UHRF2: variants seen among roughly 807,000 people sequenced by gnomAD.
The protein encoded by UHRF2 is E3 ubiquitin-protein ligase UHRF2.
A neutral mutation model predicts 96.8 loss-of-function variants in UHRF2; 23 were observed. The ratio of observed to expected loss-of-function variants is 0.24; its 90% CI spans 0.17 to 0.34. The LOEUF is 0.34. UHRF2 is among the 10% of genes least tolerant of loss of function. The pLI is 1.00. For synonymous variants in UHRF2, 385 were observed against 332.6 expected, an observed-to-expected ratio of 1.16 and a Z score of -1.72; for missense variants, 685 against 981.5, an observed-to-expected ratio of 0.70 and a Z score of 4.04.
At chr9:6,500,043 G>T in intron 13 of UHRF2, 112 bp downstream of exon 13, 1 of 822,300 alleles carries the variant, frequency 1.2e-6, no homozygotes, top group Non-Finnish European at 1.9e-6. Context: ...AAAGATCTTG[G>T]CTCACTGTAG....
intron 4 of UHRF2, among the ~76,000 whole-genome samples, chr9:6,469,702 A>C (rs1489006730): frequency 2.0e-5 from 3 of 148,320 alleles, no homozygotes; most frequent in African/African-American, 7.8e-5. Context: ...ACGTATATAC[A>C]TACATATACA....
At chr9:6,435,114 C>T (rs1820765278) in intron 3 of UHRF2, among the ~76,000 whole-genome samples, 1 of 152,062 alleles carries the variant, frequency 6.6e-6, no homozygotes, top group Non-Finnish European at 1.5e-5. Flanking sequence ...CTGCCTCAGC[C>T]TCCCGAGTAG....
chr9:6,456,099 T>C (rs183044313), intron 3 of UHRF2, among the ~76,000 whole-genome samples: 114 of 152,368 alleles, frequency 7.5e-4, no homozygotes, highest in Non-Finnish European at 1.3e-3. Context: ...AAGTTACTGA[T>C]AGAATTTTTA....
chr9:6,445,426 T>TC (rs1374086815), intron 3 of UHRF2, among the ~76,000 whole-genome samples: 2 of 152,128 alleles, frequency 1.3e-5, no homozygotes, highest in African/African-American at 4.8e-5. Context: ...CACATTCGGC[T>TC]AATTTTGTAC....
intron 3 of UHRF2, among the ~76,000 whole-genome samples, chr9:6,445,180 TTTA>T (rs1821413790): frequency 6.6e-6 from 1 of 150,846 alleles, no homozygotes; most frequent in Non-Finnish European, 1.5e-5. Flanking sequence ...AGGTCTTTAG[TTTA>T]TTATTAAGGT....
chr9:6,442,216 A>T (rs1205803509), intron 3 of UHRF2, among the ~76,000 whole-genome samples: 1 of 152,076 alleles, frequency 6.6e-6, no homozygotes, highest in Non-Finnish European at 1.5e-5. Context: ...CACCAGCCTC[A>T]GCCTCCCAAA....
At chr9:6,487,650 A>G (rs1284037144) in intron 9 of UHRF2, among the ~76,000 whole-genome samples, 1 of 152,112 alleles carries the variant, frequency 6.6e-6, no homozygotes, top group African/African-American at 2.4e-5. Context: ...TACAGGCGTG[A>G]GCCACCACAC....
chr9:6,414,678 T>C (rs543691376), intron 1 of UHRF2, among the ~76,000 whole-genome samples: 2 of 152,276 alleles, frequency 1.3e-5, no homozygotes, highest in South Asian at 4.1e-4. Context: ...GTGTAGCTCT[T>C]TGATTTGGTA....
chr9:6,467,009 T>C (rs1163759439), intron 4 of UHRF2, among the ~76,000 whole-genome samples: 8 of 152,256 alleles, frequency 5.3e-5, no homozygotes, highest in Admixed American at 5.2e-4. Context: ...ACCCCATTTG[T>C]ATTTAGTTTC....
At chr9:6,413,744 G>C (rs915834225) in intron 1 of UHRF2, 101 bp downstream of exon 1, 1 of 1,290,044 alleles carries the variant, frequency 7.8e-7, no homozygotes, top group Non-Finnish European at 9.9e-7. Context: ...CGCGCGCAGG[G>C]CTCACCTGGC....
intron 4 of UHRF2, among the ~76,000 whole-genome samples, chr9:6,467,901 A>G (rs1294971424): frequency 6.6e-6 from 1 of 152,040 alleles, no homozygotes; most frequent in African/African-American, 2.4e-5. Flanking sequence ...TTCTATCTGC[A>G]AGGTGTGGTT....
At chr9:6,446,723 T>C (rs1233834051) in intron 3 of UHRF2, among the ~76,000 whole-genome samples, 1 of 151,862 alleles carries the variant, frequency 6.6e-6, no homozygotes, top group Non-Finnish European at 1.5e-5. Flanking sequence ...TGCACACCTG[T>C]AGTCCCAGCT....
intron 3 of UHRF2, chr9:6,449,286 G>C (rs1459690295): frequency 1.3e-5 from 2 of 152,244 alleles, no homozygotes; most frequent in Admixed American, 6.5e-5. Flanking sequence ...AAGTGTGACA[G>C]TGCTTCTGGA....
At chr9:6,416,604 G>T (rs1248726655) in intron 1 of UHRF2, among the ~76,000 whole-genome samples, 1 of 140,676 alleles carries the variant, frequency 7.1e-6, no homozygotes, top group Non-Finnish European at 1.5e-5. Flanking sequence ...GTGCTGTGGC[G>T]CGATCTCCGC....
At chr9:6,497,879 C>G in intron 11 of UHRF2, 139 bp from the exon 12 acceptor site, 1 of 1,059,900 alleles carries the variant, frequency 9.4e-7, no homozygotes, top group Non-Finnish European at 1.3e-6. Flanking sequence ...AGTGAATATT[C>G]TTGACTTACT....
chr9:6,417,900 C>G (rs150229067), intron 1 of UHRF2, among the ~76,000 whole-genome samples: 2 of 152,158 alleles, frequency 1.3e-5, no homozygotes, highest in East Asian at 1.9e-4. Flanking sequence ...ATACCCTCAA[C>G]GTCACTCTGA....
At chr9:6,483,145 G>T (rs1824026367) in intron 8 of UHRF2, among the ~76,000 whole-genome samples, 1 of 151,648 alleles carries the variant, frequency 6.6e-6, no homozygotes, top group Non-Finnish European at 1.5e-5. Flanking sequence ...CGCCAACATG[G>T]TGAGACCCAT....
At chr9:6,461,028 T>C (rs1822504303) in intron 4 of UHRF2, among the ~76,000 whole-genome samples, 1 of 152,144 alleles carries the variant, frequency 6.6e-6, no homozygotes, top group African/African-American at 2.4e-5. Flanking sequence ...AATAACTGAG[T>C]GTTTTATTAC....
intron 2 of UHRF2, among the ~76,000 whole-genome samples, chr9:6,428,533 CTTTTT>C (rs1171172143): frequency 1.5e-5 from 1 of 65,418 alleles, no homozygotes; most frequent in African/African-American, 6.7e-5. Context: ...ATTGCTTTTG[CTTTTT>C]TTTTTTTTTT....
Sources: allele counts gnomAD v4.1 joint callset (sites outside exome capture counted in the v4.1 genomes callset), GRCh38; gene constraint gnomAD v4.1.1; transcripts MANE v1.5; gene names NCBI Gene and HGNC (gene_info 2026-07-23, HGNC 2026-07-21).